The following HPSE2 variants were observed in gnomAD, a reference collection of about 807,000 sequenced individuals.
HPSE2 encodes heparanase 2 (inactive).
A neutral mutation model predicts 60.5 loss-of-function variants in HPSE2; 38 were observed. The observed-to-expected ratio is 0.63, with a 90% CI of 0.48 to 0.82. HPSE2 has a LOEUF of 0.82. Among genes scored for constraint, HPSE2 ranks in the 40% least tolerant of loss-of-function variants. The pLI, the probability that HPSE2 is intolerant of heterozygous loss-of-function variation, is 0.00. For synonymous variants in HPSE2, 295 were observed against 293.2 expected (o/e 1.01, Z -0.06); for missense variants, 713 against 740.4 (o/e 0.96, Z 0.43).
chr10:98,896,457 T>C (rs1426084697), intron 3 of HPSE2, among the ~76,000 whole-genome samples: 1 of 152,148 alleles, frequency 6.6e-6, no homozygotes, highest in East Asian at 1.9e-4. Flanking sequence ...GTTGGTTGGT[T>C]GTCTGAAACC....
In HPSE2 at chr10:98,565,156, A is replaced by ATT. The variant is rs1262739743; in HGVS notation, c.1320+49747_1320+49748insAA. On this transcript the variant is annotated intron_variant, in intron 9 of 11. Transcript: ENST00000370552. ...CCAAGCAGACAGACAAAACTTGAAG[A>ATT]ATTTTTTTTTTTTAATTTTACTTTA... 5.2e-4 allele frequency among the ~76,000 whole-genome samples: 20 copies of ATT among 38,430 alleles called. No homozygotes were observed. In the East Asian group the frequency reaches 0.16, roughly 300 times the overall value. The allele number at this position is 38,430 out of a possible 152,430, so 25.2% of individuals were successfully genotyped here.
chr10:98,506,846 AC>A (rs1327918551), intron 9 of HPSE2, among the ~76,000 whole-genome samples: 1 of 152,032 alleles, frequency 6.6e-6, no homozygotes, highest in Non-Finnish European at 1.5e-5. Context: ...TTCTATGAAA[AC>A]CATTTGTGAT....
At chr10:98,559,005 T>C (rs1012459555) in intron 9 of HPSE2, among the ~76,000 whole-genome samples, 15 of 152,132 alleles carry the variant, frequency 9.9e-5, no homozygotes, top group African/African-American at 3.6e-4. Context: ...TTTGTGTCCC[T>C]GGGAATCGAA....
chr10:98,655,541 T>C (rs753844225), intron 6 of HPSE2, among the ~76,000 whole-genome samples: 6 of 152,220 alleles, frequency 3.9e-5, no homozygotes, highest in Non-Finnish European at 8.8e-5. Context: ...ATCAATTCTC[T>C]GATGCATTCA....
chr10:98,790,102 A>G (rs1950623964), intron 3 of HPSE2, among the ~76,000 whole-genome samples: 1 of 152,198 alleles, frequency 6.6e-6, no homozygotes, highest in African/African-American at 2.4e-5. Context: ...ATAAAGTAAT[A>G]GCATTGAGAT....
In HPSE2 at chr10:98,943,481, C is replaced by T. The variant is rs191479951; in HGVS notation, c.611-199425G>A. On this transcript the variant is annotated intron_variant, in intron 3 of 11. Transcript: ENST00000370552. Reference sequence around the variant, plus strand: ...AGCCTCCAAGACAGGCCCTAATGATCCCCACCCCTTCGTATTCATAGCCCT... The same window carrying T: ...AGCCTCCAAGACAGGCCCTAATGATTCCCACCCCTTCGTATTCATAGCCCT... 3.1e-3 allele frequency among the ~76,000 whole-genome samples: 464 copies of T among 152,122 alleles called. 3 individuals are homozygous for T. Among genetic ancestry groups the T allele is most frequent in the African/African-American group, 0.01 (429 of 41,486 alleles).
At chr10:98,983,540 G>T (rs879465415) in intron 3 of HPSE2, among the ~76,000 whole-genome samples, 1 of 152,204 alleles carries the variant, frequency 6.6e-6, no homozygotes, top group Non-Finnish European at 1.5e-5. Context: ...CATCATTTGC[G>T]ATCTCAAGCA....
At chr10:98,780,249 A>G (rs530072846) in intron 3 of HPSE2, among the ~76,000 whole-genome samples, 1 of 152,292 alleles carries the variant, frequency 6.6e-6, no homozygotes, top group African/African-American at 2.4e-5. Flanking sequence ...AAGTGCTGAT[A>G]TAAAAATGAA....
chr10:98,632,028 T>C (rs1946377962), intron 7 of HPSE2, among the ~76,000 whole-genome samples: 2 of 152,102 alleles, frequency 1.3e-5, no homozygotes, highest in African/African-American at 4.8e-5. Flanking sequence ...TCCTGGGTGG[T>C]TAGGAATATA....
intron 2 of HPSE2, among the ~76,000 whole-genome samples, chr10:99,152,423 A>T (rs936517701): frequency 6.6e-6 from 1 of 152,170 alleles, no homozygotes; most frequent in East Asian, 1.9e-4. Context: ...GTAATAACTC[A>T]GATACACAGG....
chr10:98,492,277 C>T (rs996027523), intron 9 of HPSE2, among the ~76,000 whole-genome samples: 3 of 152,048 alleles, frequency 2.0e-5, no homozygotes, highest in African/African-American at 7.2e-5. Context: ...CCGAGGTGGG[C>T]AGATCACGAG....
intron 2 of HPSE2, among the ~76,000 whole-genome samples, chr10:99,207,187 T>C (rs1848778964): frequency 6.6e-6 from 1 of 152,094 alleles, no homozygotes; most frequent in Non-Finnish European, 1.5e-5. Flanking sequence ...AAGGGAGTTA[T>C]AATAAGGCTA....
the HPSE2 span, among the ~76,000 whole-genome samples, chr10:99,263,006 A>G: frequency 6.6e-6 from 1 of 152,208 alleles, no homozygotes; most frequent in Non-Finnish European, 1.5e-5. Context: ...CACAAGAGCC[A>G]GGACCGTGCC....
At position 98,899,832 on chromosome 10, in the gene HPSE2, G is replaced by A. The variant is rs1029445695; in HGVS notation, c.611-155776C>T. ...AGACAAACATGCTGTTGCCCAGGCC[G>A]GAGTGCAGTGGCGCGATCTTGGCTC... On this transcript the variant is annotated intron_variant, in intron 3 of 11. Transcript: ENST00000370552. Among the ~76,000 whole-genome samples the A allele has an allele frequency of 9.4e-5, 14 of 148,226 alleles. No individual in the cohort carries two copies. The East Asian group carries it at 1.0e-3, about 11-fold the overall frequency.
chr10:98,773,677 G>A (rs1950285494), intron 3 of HPSE2, among the ~76,000 whole-genome samples: 2 of 152,288 alleles, frequency 1.3e-5, no homozygotes, highest in South Asian at 2.1e-4. Flanking sequence ...GTTCATCTCA[G>A]CTTTATTTCA....
chr10:98,554,897 T>C (rs1191186701), intron 9 of HPSE2, among the ~76,000 whole-genome samples: 1 of 152,238 alleles, frequency 6.6e-6, no homozygotes, highest in Non-Finnish European at 1.5e-5. Context: ...GCAGTATCTG[T>C]ACTTTATTTG....
intron 9 of HPSE2, among the ~76,000 whole-genome samples, chr10:98,581,574 A>G (rs1448266719): frequency 6.6e-6 from 1 of 152,206 alleles, no homozygotes; most frequent in African/African-American, 2.4e-5. Context: ...ATCATTTACC[A>G]CAGATATGAT....
At chr10:98,986,516 A>C (rs1160718662) in intron 3 of HPSE2, among the ~76,000 whole-genome samples, 431 of 132,564 alleles carry the variant, frequency 3.3e-3, no homozygotes, top group South Asian at 6.2e-3. Flanking sequence ...AATTTATAGC[A>C]CTAAATGCCC....
intron 3 of HPSE2, among the ~76,000 whole-genome samples, chr10:98,796,430 C>T (rs1328437878): frequency 6.6e-6 from 1 of 152,198 alleles, no homozygotes; most frequent in Non-Finnish European, 1.5e-5. Flanking sequence ...CACAGAAAGG[C>T]TCCTCTGCCT....
Sources: gnomAD v4.1 joint callset for allele counts (sites outside exome capture counted in the v4.1 genomes callset) on GRCh38, gnomAD v4.1.1 for gene constraint, MANE v1.5 for transcripts, NCBI Gene and HGNC (gene_info 2026-07-23, HGNC 2026-07-21) for gene names.